The following B4GALT6 variants were observed in gnomAD, a reference collection of about 807,000 sequenced individuals.
B4GALT6 encodes UDP-Gal:beta-GlcNAc beta-1,4-galactosyltransferase 6.
A neutral mutation model predicts 46.3 loss-of-function variants in B4GALT6; 14 were observed. The observed-to-expected ratio is 0.30, with a 90% CI of 0.20 to 0.47. The LOEUF (loss-of-function observed/expected upper bound fraction) is 0.47, where lower values mean the gene tolerates loss of function less well. Among genes scored for constraint, B4GALT6 ranks in the 20% least tolerant of loss-of-function variants. B4GALT6 has a pLI of 0.99. For synonymous variants in B4GALT6, 168 were observed against 162.0 expected, an observed-to-expected ratio of 1.04 and a Z score of -0.28; for missense variants, 386 against 480.1, an observed-to-expected ratio of 0.80 and a Z score of 1.83.
At chr18:31,716,209 C>T in the B4GALT6 span, among the ~76,000 whole-genome samples, 1 of 152,140 alleles carries the variant, frequency 6.6e-6, no homozygotes, top group Non-Finnish European at 1.5e-5. Context: ...CCTTTTGATT[C>T]ACACCTTTCC....
upstream of B4GALT6, among the ~76,000 whole-genome samples, chr18:31,688,495 A>G (rs1295364982): frequency 1.3e-5 from 2 of 152,052 alleles, no homozygotes; most frequent in African/African-American, 4.8e-5. Context: ...ATAGAACTGT[A>G]TGATAATTCT....
chr18:31,708,822 G>A, the B4GALT6 span, among the ~76,000 whole-genome samples: 1 of 152,114 alleles, frequency 6.6e-6, no homozygotes, highest in Non-Finnish European at 1.5e-5. Flanking sequence ...GATGGCAATG[G>A]GGGAGAGAGG....
At chr18:31,626,261 C>T in intron 8 of B4GALT6, 22 bp downstream of exon 8, 3 of 1,367,480 alleles carry the variant, frequency 2.2e-6, no homozygotes, top group Non-Finnish European at 3.1e-6. Context: ...ACCTTGGTAT[C>T]TGAAGATGAC....
intron 1 of B4GALT6, among the ~76,000 whole-genome samples, chr18:31,682,542 G>A (rs559339257): frequency 4.9e-4 from 74 of 152,128 alleles, no homozygotes; most frequent in African/African-American, 1.7e-3. Context: ...TTCAAATAAG[G>A]AAAATTTATT....
chr18:31,664,162 C>CACCAAAATGACACCCA (rs11272422), intron 2 of B4GALT6, among the ~76,000 whole-genome samples: 1 of 152,012 alleles, frequency 6.6e-6, no homozygotes, highest in South Asian at 2.1e-4. Context: ...CAAGTTCAAA[C>CACCAAAATGACACCCA]AGCAGCCATC....
chr18:31,720,927 C>T, the B4GALT6 span, among the ~76,000 whole-genome samples: 1 of 152,182 alleles, frequency 6.6e-6, no homozygotes, highest in East Asian at 1.9e-4. Context: ...TGTTTAAAGG[C>T]AAAAGGGAGA....
the B4GALT6 span, among the ~76,000 whole-genome samples, chr18:31,708,568 A>T: frequency 6.6e-6 from 1 of 152,108 alleles, no homozygotes; most frequent in African/African-American, 2.4e-5. Flanking sequence ...CGTCTCAATA[A>T]AAAATAAAAA....
chr18:31,688,706 G>A (rs537898070), upstream of B4GALT6, among the ~76,000 whole-genome samples: 9 of 152,146 alleles, frequency 5.9e-5, no homozygotes, highest in African/African-American at 2.2e-4. Flanking sequence ...CATCCCTTTG[G>A]GGTTGGTATG....
At chr18:31,701,201 A>T in the B4GALT6 span, among the ~76,000 whole-genome samples, 16,838 of 152,150 alleles carry the variant, frequency 0.11, 1,053 homozygotes, top group Non-Finnish European at 0.14. Context: ...GTGATTTAAC[A>T]CCATCTCCTT....
intron 3 of B4GALT6, among the ~76,000 whole-genome samples, chr18:31,651,488 T>C (rs1281748262): frequency 2.6e-5 from 4 of 152,146 alleles, no homozygotes; most frequent in Non-Finnish European, 4.4e-5. Context: ...GACAACTTTT[T>C]AAATACTTAC....
At chr18:31,672,797 A>C (rs1284934549) in intron 1 of B4GALT6, among the ~76,000 whole-genome samples, 1 of 152,194 alleles carries the variant, frequency 6.6e-6, no homozygotes, top group Non-Finnish European at 1.5e-5. Context: ...TAAGTGGTGG[A>C]GCCAGAATTC....
chr18:31,691,795 T>C, the B4GALT6 span, among the ~76,000 whole-genome samples: 3 of 152,196 alleles, frequency 2.0e-5, no homozygotes, highest in African/African-American at 7.2e-5. Flanking sequence ...TTTCTGTGTC[T>C]GAAACAGGAA....
intron 3 of B4GALT6, among the ~76,000 whole-genome samples, chr18:31,651,980 C>T (rs1166334609): frequency 6.6e-6 from 1 of 152,130 alleles, no homozygotes; most frequent in African/African-American, 2.4e-5. Flanking sequence ...CTGTGTTAGC[C>T]AGGATGGTCT....
chr18:31,706,972 G>T, the B4GALT6 span, among the ~76,000 whole-genome samples: 1 of 152,226 alleles, frequency 6.6e-6, no homozygotes, highest in East Asian at 1.9e-4. Context: ...ATGGACATTT[G>T]TCTGCCCCTG....
the B4GALT6 span, among the ~76,000 whole-genome samples, chr18:31,700,079 A>G: frequency 6.6e-6 from 1 of 152,210 alleles, no homozygotes; most frequent in African/African-American, 2.4e-5. Context: ...AGAGCAAGAA[A>G]GCATCTCCCA....
At chr18:31,631,505 T>C (rs536459514) in intron 5 of B4GALT6, among the ~76,000 whole-genome samples, 1 of 152,270 alleles carries the variant, frequency 6.6e-6, no homozygotes, top group South Asian at 2.1e-4. Flanking sequence ...TTTTATAATT[T>C]AATAACATAG....
upstream of B4GALT6, chr18:31,685,917 A>G (rs1342025180): frequency 6.6e-6 from 1 of 152,194 alleles, no homozygotes; most frequent in African/African-American, 2.4e-5. Flanking sequence ...ACTTGCCTTC[A>G]ACGCTGAAGG....
chr18:31,671,568 T>C (rs562606422), intron 1 of B4GALT6, among the ~76,000 whole-genome samples: 4 of 152,362 alleles, frequency 2.6e-5, no homozygotes, highest in Non-Finnish European at 5.9e-5. Context: ...TCTGTTCATA[T>C]CCTTCGCCTA....
the B4GALT6 span, chr18:31,724,276 G>A: frequency 2.5e-6 from 1 of 397,176 alleles, no homozygotes; most frequent in East Asian, 8.1e-5. Flanking sequence ...TCCCGGCTGC[G>A]TCTCTGGGCC....
Sources: allele counts gnomAD v4.1 joint callset (sites outside exome capture counted in the v4.1 genomes callset), GRCh38; gene constraint gnomAD v4.1.1; transcripts MANE v1.5; gene names NCBI Gene and HGNC (gene_info 2026-07-23, HGNC 2026-07-21).